The following SLC15A2 variants were observed in gnomAD, a reference collection of about 807,000 sequenced individuals.
The protein encoded by SLC15A2 is solute carrier family 15 member 2, also known as kidney H(+)/peptide cotransporter.
SLC15A2 carries 77 observed loss-of-function variants against 95.5 expected under a neutral mutation model. The ratio of observed to expected loss-of-function variants is 0.81; its 90% confidence interval spans 0.67 to 0.97. The LOEUF (loss-of-function observed/expected upper bound fraction) is 0.97. Among genes scored for constraint, SLC15A2 ranks in the 50% least tolerant of loss-of-function variants. The probability of loss-of-function intolerance (pLI) is 0.00; values close to 1 mark genes in which losing one functional copy is unlikely to be tolerated. For missense variants in SLC15A2, 893 were observed against 874.4 expected, an observed-to-expected ratio of 1.02 and a Z score of -0.27; for synonymous variants, 306 against 306.9, an observed-to-expected ratio of 1.00 and a Z score of 0.03.
intron 19 of SLC15A2, among the ~76,000 whole-genome samples, chr3:121,937,967 T>C (rs1303707613): frequency 6.6e-6 from 1 of 151,704 alleles, no homozygotes; most frequent in African/African-American, 2.4e-5. Flanking sequence ...TTCTGTTTGT[T>C]AGTTTTCCTT....
chr3:121,923,675 A>G (rs1710053363), intron 11 of SLC15A2, among the ~76,000 whole-genome samples: 1 of 152,174 alleles, frequency 6.6e-6, no homozygotes, highest in African/African-American at 2.4e-5. Flanking sequence ...AATATTTTGT[A>G]TGTATGGATA....
At chr3:121,916,806 A>G (rs1709902470) in intron 7 of SLC15A2, among the ~76,000 whole-genome samples, 1 of 151,968 alleles carries the variant, frequency 6.6e-6, no homozygotes, top group South Asian at 2.1e-4. Flanking sequence ...CTTTTACTGT[A>G]ATTAATTTCT....
intron 5 of SLC15A2, among the ~76,000 whole-genome samples, chr3:121,914,384 C>T (rs1343612964): frequency 6.6e-6 from 1 of 152,124 alleles, no homozygotes; most frequent in African/African-American, 2.4e-5. Flanking sequence ...TTGGTAACTG[C>T]TCCACAAAGA....
chr3:121,901,081 C>T (rs1425632133), intron 3 of SLC15A2, among the ~76,000 whole-genome samples: 1 of 151,888 alleles, frequency 6.6e-6, no homozygotes, highest in African/African-American at 2.4e-5. Flanking sequence ...TGCAGTGATG[C>T]AATCTCGGCT....
chr3:121,897,544 A>G lies in SLC15A2; in HGVS notation c.335+15A>G. 6.2e-7 allele frequency: 1 copy of G among 1,613,492 alleles called. No homozygotes were observed. Among genetic ancestry groups the G allele is most frequent in the South Asian group, 1.1e-5 (1 of 91,028 alleles). On this transcript the variant is annotated intron_variant, in intron 3 of 21. Coordinates refer to ENST00000489711, the MANE Select transcript of SLC15A2 (RefSeq NM_021082.4). ...GGAAAATTCAAGTAAGGAAGATGGG[A>G]GGTCACATCCCTACAAGTTTCACAG...
At chr3:121,913,938 T>C (rs1351183212) in intron 5 of SLC15A2, among the ~76,000 whole-genome samples, 1 of 150,266 alleles carries the variant, frequency 6.7e-6, no homozygotes, top group East Asian at 2.0e-4. Context: ...TCTCTTTCTC[T>C]CTCTCCCCCC....
chr3:121,931,653 A>G lies in SLC15A2; in HGVS notation c.1679A>G (p.His560Arg), dbSNP rs1710234957. 2 of 1,611,132 alleles carry G rather than the reference A, an allele frequency of 1.2e-6. No individual in the cohort carries two copies. Among genetic ancestry groups the G allele is most frequent in the South Asian group, 2.2e-5 (2 of 91,026 alleles). ...TVQRGEYPAV[H>R]CRTEDKNFSL... ...TCCTGTTCCAGATACCCTGCAGTGC[A>G]CTGTAGAACAGAAGATAAGAACTTT... Residue 560 changes from histidine (H) to arginine (R), a missense_variant, in exon 19 of 22, where the codon CAC becomes CGC. Coordinates refer to ENST00000489711, the MANE Select transcript of SLC15A2 (RefSeq NM_021082.4).
intron 1 of SLC15A2, 114 bp downstream of exon 1, chr3:121,894,695 C>T (rs1000851231): frequency 6.5e-5 from 42 of 650,840 alleles, no homozygotes; most frequent in African/African-American, 4.9e-4. Flanking sequence ...AAATGCTTCT[C>T]TCTTGGATTT....
chr3:121,936,977 C>T lies in SLC15A2; in HGVS notation c.1762-2372C>T, dbSNP rs568799214. On this transcript the variant is annotated intron_variant, in intron 19 of 21. Coordinates refer to ENST00000489711, the MANE Select transcript of SLC15A2 (RefSeq NM_021082.4). Reference sequence around the variant, plus strand: ...CAGGCCTGGTGGTGACAAAATCTCTCAGCATTTGCTTGCCTGTAAAGGATG... The same window carrying T: ...CAGGCCTGGTGGTGACAAAATCTCTTAGCATTTGCTTGCCTGTAAAGGATG... Among the ~76,000 whole-genome samples the T allele has an allele frequency of 4.6e-5, 7 of 152,026 alleles. No homozygotes were observed. In the East Asian group the frequency reaches 1.2e-3, roughly 25 times the overall value.
In SLC15A2 at chr3:121,896,417, C is replaced by T; in HGVS notation, c.117C>T (p.Gly39=). Residue 39 remains glycine (G), a synonymous_variant, in exon 2 of 22, where the codon GGC becomes GGT. Coordinates refer to ENST00000489711, the MANE Select transcript of SLC15A2 (RefSeq NM_021082.4). ...TTCTTGTTGAATAGACAATCTGTGG[C>T]TCCAACTATCCACTGAGCATTGCCT... ...PPKKPSPTIC[G]SNYPLSIAFI... 4 of 1,613,450 alleles carry T rather than the reference C, an allele frequency of 2.5e-6. No individual in the cohort carries two copies. Among genetic ancestry groups the T allele is most frequent in the Non-Finnish European group, 3.4e-6 (4 of 1,179,394 alleles).
chr3:121,902,333 T>C (rs1202554048), intron 3 of SLC15A2, among the ~76,000 whole-genome samples: 3 of 152,048 alleles, frequency 2.0e-5, no homozygotes, highest in Non-Finnish European at 4.4e-5. Flanking sequence ...AACGTGTTTA[T>C]TATTTTTTTA....
At position 121,897,313 on chromosome 3, in the gene SLC15A2, A is replaced by G. The variant is rs2293608; in HGVS notation, c.194-75A>G. 502 of 1,549,852 alleles carry G rather than the reference A, an allele frequency of 3.2e-4. 3 individuals are homozygous for G. In the East Asian group the frequency reaches 0.011, roughly 34 times the overall value. ...ACATTATAAAGACCAGAGATTAAAT[A>G]TTTTTTTCCATAAGTCACTTTAATG... On this transcript the variant is annotated intron_variant, in intron 2 of 21. Transcript: ENST00000489711.
At chr3:121,908,647 C>T (rs191915235) in intron 3 of SLC15A2, among the ~76,000 whole-genome samples, 17 of 152,278 alleles carry the variant, frequency 1.1e-4, no homozygotes, top group African/African-American at 3.9e-4. Context: ...TGCAAGCTCT[C>T]TTCCTCTGCC....
At chr3:121,933,603 G>A (rs1224132691) in intron 19 of SLC15A2, among the ~76,000 whole-genome samples, 1 of 149,790 alleles carries the variant, frequency 6.7e-6, no homozygotes, top group Admixed American at 6.6e-5. Flanking sequence ...ACTTTTTGAT[G>A]GGGTTGTTTG....
intron 20 of SLC15A2, 86 bp downstream of exon 20, chr3:121,939,581 T>A: frequency 8.2e-7 from 1 of 1,216,840 alleles, no homozygotes; most frequent in Non-Finnish European, 1.1e-6. Context: ...TAAATAGGTA[T>A]GTTATCTCTT....
chr3:121,904,467 G>A (rs1461570037), intron 3 of SLC15A2, among the ~76,000 whole-genome samples: 2 of 152,296 alleles, frequency 1.3e-5, no homozygotes, highest in South Asian at 2.1e-4. Context: ...TGCCCATTCA[G>A]TATGATATTG....
chr3:121,905,618 T>C (rs1027273277), intron 3 of SLC15A2, among the ~76,000 whole-genome samples: 3 of 152,250 alleles, frequency 2.0e-5, no homozygotes, highest in African/African-American at 7.2e-5. Context: ...CCAGTAGTCA[T>C]TCAGGAGCAG....
rs910712167 is a variant in SLC15A2, at chr3:121,941,423, A to C, written c.*416A>C. The C allele has an allele frequency of 6.5e-6, 1 of 154,946 alleles. No individual in the cohort carries two copies. Among genetic ancestry groups the C allele is most frequent in the Middle Eastern group, 3.3e-3 (1 of 304 alleles). 9.6% of individuals were successfully genotyped at this position (154,946 alleles called of 1,614,324 possible). A position where few individuals can be genotyped will look rare whatever the true frequency, so the allele number is the denominator to read the frequency against. On this transcript the variant is annotated 3_prime_UTR_variant, in exon 22 of 22. Transcript: ENST00000489711. ...CAGAATAACAAAGAAATGGTATTTC[A>C]AGTTTTTTTTTTTATAAGCAATGTA...
At chr3:121,903,958 G>A (rs1361959003) in intron 3 of SLC15A2, among the ~76,000 whole-genome samples, 16 of 152,238 alleles carry the variant, frequency 1.1e-4, no homozygotes, top group East Asian at 5.8e-4. Context: ...CCATTTTCAC[G>A]ATATTGACTC....
Sources: allele counts gnomAD v4.1 joint callset (sites outside exome capture counted in the v4.1 genomes callset), GRCh38; gene constraint gnomAD v4.1.1; transcripts MANE v1.5; gene names NCBI Gene and HGNC (gene_info 2026-07-23, HGNC 2026-07-21).